The following TRDN variants were observed in gnomAD, a reference collection of about 807,000 sequenced individuals.
TRDN encodes triadin.
A neutral mutation model predicts 149.7 loss-of-function variants in TRDN; 161 were observed. That is an observed-to-expected ratio of 1.08 (90% CI 0.95 to 1.23). The LOEUF is 1.23. Among genes scored for constraint, TRDN ranks in the 50% most tolerant of loss-of-function variants. The pLI is 0.00. For missense variants in TRDN, 896 were observed against 823.5 expected, an observed-to-expected ratio of 1.09 and a Z score of -1.08; for synonymous variants, 294 against 250.5, an observed-to-expected ratio of 1.17 and a Z score of -1.64.
chr6:123,585,001 G>T (rs1018875812), intron 1 of TRDN, among the ~76,000 whole-genome samples: 1 of 151,940 alleles, frequency 6.6e-6, no homozygotes, highest in Non-Finnish European at 1.5e-5. Flanking sequence ...GTGATAACAG[G>T]CTTTAATCCT....
At chr6:123,252,074 T>C (rs914457929) in intron 38 of TRDN, among the ~76,000 whole-genome samples, 7 of 152,124 alleles carry the variant, frequency 4.6e-5, no homozygotes, top group African/African-American at 9.6e-5. Context: ...CTTTAACAAA[T>C]TTCTAGTGAT....
chr6:123,526,706 T>A, intron 5 of TRDN, among the ~76,000 whole-genome samples: 1 of 152,034 alleles, frequency 6.6e-6, no homozygotes, highest in East Asian at 1.9e-4. Context: ...ATTAAATTTT[T>A]AAGAAGGGAA....
At chr6:123,302,354 G>C (rs917399094) in intron 24 of TRDN, among the ~76,000 whole-genome samples, 3 of 151,904 alleles carry the variant, frequency 2.0e-5, no homozygotes, top group African/African-American at 4.8e-5. Context: ...AGCTAAATAT[G>C]GGTTTATTTA....
chr6:123,457,954 A>G (rs1776229605), intron 10 of TRDN, among the ~76,000 whole-genome samples: 1 of 152,166 alleles, frequency 6.6e-6, no homozygotes, highest in Non-Finnish European at 1.5e-5. Context: ...AAATCCTACT[A>G]GTAAATATCA....
At chr6:123,574,752 C>T (rs572168592) in intron 1 of TRDN, among the ~76,000 whole-genome samples, 6 of 150,004 alleles carry the variant, frequency 4.0e-5, no homozygotes, top group African/African-American at 1.2e-4. Context: ...CTTTGTATAC[C>T]GAAACTCAAG....
At chr6:123,322,764 C>A (rs1260207851) in intron 23 of TRDN, among the ~76,000 whole-genome samples, 1 of 151,804 alleles carries the variant, frequency 6.6e-6, no homozygotes. Context: ...CCTCAGCCTC[C>A]CCAGCAGCTG....
intron 1 of TRDN, among the ~76,000 whole-genome samples, chr6:123,574,880 A>ATATATATG (rs1782765916): frequency 7.7e-6 from 1 of 130,274 alleles, no homozygotes; most frequent in Non-Finnish European, 1.6e-5. Flanking sequence ...ATATATATAT[A>ATATATATG]TATATATATA....
At chr6:123,297,650 T>G (rs1332267196) in intron 24 of TRDN, among the ~76,000 whole-genome samples, 1 of 152,044 alleles carries the variant, frequency 6.6e-6, no homozygotes, top group Non-Finnish European at 1.5e-5. Flanking sequence ...TTAATTCTGA[T>G]CATAGCCACA....
At chr6:123,634,591 G>A (rs962827181) in intron 1 of TRDN, among the ~76,000 whole-genome samples, 3 of 151,908 alleles carry the variant, frequency 2.0e-5, no homozygotes, top group Admixed American at 2.0e-4. Flanking sequence ...ATTGTAGCTA[G>A]GGCACAAAAG....
chr6:123,362,219 C>G (rs151069097), intron 20 of TRDN, among the ~76,000 whole-genome samples: 48 of 152,298 alleles, frequency 3.2e-4, no homozygotes, highest in African/African-American at 1.0e-3. Context: ...TAATCTCTCT[C>G]TCTTCCAATC....
chr6:123,442,840 A>C (rs1194977274), intron 10 of TRDN, among the ~76,000 whole-genome samples: 1 of 152,130 alleles, frequency 6.6e-6, no homozygotes, highest in Non-Finnish European at 1.5e-5. Context: ...AAAGGGAAAA[A>C]AATACCCATA....
chr6:123,474,985 A>G lies in TRDN; in HGVS notation c.854-10002T>C, dbSNP rs537126762. The stretch of plus-strand genomic sequence containing the variant: ...GATCCAAAATTGACACCCTAACATC[A>G]CAATTAAAAGAACTAGAAAAGCAAG... On this transcript the variant is annotated intron_variant, in intron 9 of 40. Coordinates refer to ENST00000334268, the MANE Select transcript of TRDN (RefSeq NM_006073.4). Among the ~76,000 whole-genome samples, 17 of 152,320 alleles carry G rather than the reference A, an allele frequency of 1.1e-4. No homozygotes were observed. In the South Asian group the frequency reaches 3.1e-3, roughly 28 times the overall value.
intron 10 of TRDN, among the ~76,000 whole-genome samples, chr6:123,456,027 A>G (rs993031410): frequency 6.6e-6 from 1 of 152,228 alleles, no homozygotes; most frequent in African/African-American, 2.4e-5. Context: ...ACCAAAACAT[A>G]CATTACCTTA....
At chr6:123,309,882 A>G (rs997218634) in intron 24 of TRDN, among the ~76,000 whole-genome samples, 2 of 152,072 alleles carry the variant, frequency 1.3e-5, no homozygotes, top group Admixed American at 6.6e-5. Context: ...AAATTTGTCT[A>G]AACTTCCACT....
intron 39 of TRDN, among the ~76,000 whole-genome samples, chr6:123,222,489 TTA>T (rs1178023536): frequency 4.4e-4 from 6 of 13,742 alleles, no homozygotes; most frequent in Non-Finnish European, 1.6e-3. Flanking sequence ...TTAATTCAAT[TTA>T]AAAAATATAT....
At chr6:123,401,696 G>A (rs1353767529) in intron 12 of TRDN, among the ~76,000 whole-genome samples, 1 of 152,136 alleles carries the variant, frequency 6.6e-6, no homozygotes, top group Non-Finnish European at 1.5e-5. Context: ...TATAATCCCA[G>A]CACTTTGGGA....
intron 9 of TRDN, among the ~76,000 whole-genome samples, chr6:123,492,256 G>C (rs182691710): frequency 6.6e-6 from 1 of 152,248 alleles, no homozygotes; most frequent in Non-Finnish European, 1.5e-5. Flanking sequence ...AATTTTAATA[G>C]TGGAATAACT....
intron 9 of TRDN, among the ~76,000 whole-genome samples, chr6:123,485,868 C>G (rs1777950765): frequency 6.6e-6 from 1 of 151,678 alleles, no homozygotes; most frequent in Admixed American, 6.6e-5. Flanking sequence ...TAATTTTTTT[C>G]TCTCCTATTC....
intron 2 of TRDN, among the ~76,000 whole-genome samples, chr6:123,559,118 G>C (rs1039190364): frequency 6.6e-6 from 1 of 152,182 alleles, no homozygotes; most frequent in African/African-American, 2.4e-5. Context: ...GACACTGCCC[G>C]ATCACCTCAA....
Sources: gnomAD v4.1 joint callset for allele counts (sites outside exome capture counted in the v4.1 genomes callset) on GRCh38, gnomAD v4.1.1 for gene constraint, MANE v1.5 for transcripts, NCBI Gene and HGNC (gene_info 2026-07-23, HGNC 2026-07-21) for gene names.